ALPK3: variants seen among roughly 807,000 people sequenced by gnomAD.
The protein encoded by ALPK3 is alpha-protein kinase 3.
A neutral mutation model predicts 140.0 loss-of-function variants in ALPK3; 102 were observed. That is an observed-to-expected ratio of 0.73 (90% CI 0.62 to 0.86). ALPK3 has a LOEUF of 0.86. Among genes scored for constraint, ALPK3 ranks in the 40% least tolerant of loss-of-function variants. ALPK3 has a pLI of 0.00. For missense variants in ALPK3, 2,254 were observed against 2,208.2 expected, an observed-to-expected ratio of 1.02 and a Z score of -0.42; for synonymous variants, 938 against 898.5, an observed-to-expected ratio of 1.04 and a Z score of -0.79.
chr15:84,839,516 C>G (rs1245825679), intron 4 of ALPK3, among the ~76,000 whole-genome samples, 186 bp from the exon 5 acceptor site: 1 of 152,154 alleles, frequency 6.6e-6, no homozygotes, highest in Admixed American at 6.5e-5. Flanking sequence ...TTTTTGCCAG[C>G]CTCAGTTCCC....
rs1254086216 is a variant in ALPK3 at position 84,856,893 on chromosome 15, G to A, written c.2155G>A (p.Ala719Thr). Reference protein sequence around the residue: ...GTQSEGSAPTAMEGQSEQEVA... With the variant: ...GTQSEGSAPTTMEGQSEQEVA... Reference sequence around the variant, plus strand: ...GCAGTCAGAGGGGAGCGCGCCCACAGCCATGGAAGGTCAGTCTGAGCAAGA... The same window carrying A: ...GCAGTCAGAGGGGAGCGCGCCCACAACCATGGAAGGTCAGTCTGAGCAAGA... The change falls in exon 6 of 14, where the codon GCC (alanine) becomes ACC (threonine). Residue 719 changes from alanine (A) to threonine (T), a missense_variant. Transcript: ENST00000258888. 1.2e-6 allele frequency: 2 copies of A among 1,613,946 alleles called. No homozygotes were observed. The highest frequency in any genetic ancestry group is 1.7e-6 in the Non-Finnish European group (2 of 1,180,008).
intron 12 of ALPK3, among the ~76,000 whole-genome samples, chr15:84,865,838 G>A (rs1328572658): frequency 6.6e-6 from 1 of 152,158 alleles, no homozygotes; most frequent in Non-Finnish European, 1.5e-5. Context: ...CTATTTGGGA[G>A]GGCAGGGCTT....
In ALPK3 at chr15:84,868,362, A is replaced by C. The variant is rs771364224; in HGVS notation, c.5024A>C (p.Lys1675Thr). ...ACCCGGAAGAGTGCTCCAAGTTCCAAGGCCACCCCTCAGGCCTCAGAGCCA... is the reference window on the plus strand; with the variant it reads ...ACCCGGAAGAGTGCTCCAAGTTCCACGGCCACCCCTCAGGCCTCAGAGCCA... The part of the protein sequence containing the change: ...QGTRKSAPSS[K>T]ATPQASEPVT... The change falls in exon 14 of 14, where the codon AAG (lysine) becomes ACG (threonine). Residue 1675 changes from lysine to threonine, a missense_variant. By Grantham distance (78) the Lys-to-Thr change is moderately conservative. Transcript: ENST00000258888. The C allele has an allele frequency of 1.2e-6, 2 of 1,614,022 alleles. No homozygotes were observed. The highest frequency in any genetic ancestry group is 4.5e-5 in the East Asian group (2 of 44,854).
intron 3 of ALPK3, among the ~76,000 whole-genome samples, chr15:84,831,415 C>T (rs755634151): frequency 2.2e-4 from 33 of 152,096 alleles, no homozygotes; most frequent in African/African-American, 7.0e-4. Flanking sequence ...CCTTTATTCC[C>T]CTTTCATCTA....
At position 84,839,996 on chromosome 15, in the gene ALPK3, C is replaced by A; in HGVS notation, c.717C>A (p.Thr239=). ...GAQAPGPSVP[T]REPEGGTLAA... Reference sequence around the variant, plus strand: ...AAGCGCCGGGCCCCTCGGTCCCTACCAGGGAGCCTGAGGGTGGGACCCTGG... The same window carrying A: ...AAGCGCCGGGCCCCTCGGTCCCTACAAGGGAGCCTGAGGGTGGGACCCTGG... Residue 239 remains threonine (T), a synonymous_variant, in exon 5 of 14, where the codon ACC becomes ACA. Coordinates refer to ENST00000258888, the MANE Select transcript of ALPK3 (RefSeq NM_020778.5). 6.2e-7 allele frequency: 1 copy of A among 1,613,490 alleles called. No homozygotes were observed. Among genetic ancestry groups the A allele is most frequent in the Non-Finnish European group, 8.5e-7 (1 of 1,179,736 alleles).
chr15:84,839,104 G>C lies in ALPK3; in HGVS notation c.422+7G>C, dbSNP rs1244171711. The C allele has an allele frequency of 6.2e-7, 1 of 1,601,376 alleles. No individual in the cohort carries two copies. The highest frequency in any genetic ancestry group is 1.7e-4 in the Middle Eastern group (1 of 5,992). On this transcript the variant is annotated splice_region_variant and intron_variant, in intron 4 of 13. Coordinates refer to ENST00000258888, the MANE Select transcript of ALPK3 (RefSeq NM_020778.5). The stretch of plus-strand genomic sequence containing the variant: ...ACACACTGCAGCTGTACAGGTGAGG[G>C]AGAAGGGCCTGTTTTGCTCTCTCTG...
Position 84,823,369 on chromosome 15 carries a change from G to A in ALPK3, c.182+1G>A, listed in dbSNP as rs1963449829. 1 of 1,613,958 alleles carries A rather than the reference G, an allele frequency of 6.2e-7. No individual in the cohort carries two copies. The highest frequency in any genetic ancestry group is 1.3e-5 in the African/African-American group (1 of 74,894). ...GGTTGTCTCACCCCAGCTCTGGAAG[G>A]TAAATGCATATTGCACTACATTTCT... On this transcript the variant is annotated splice_donor_variant, in intron 2 of 13. Transcript: ENST00000258888. LOFTEE classifies it high-confidence loss of function.
rs772869401 is a variant in ALPK3, at chr15:84,856,952, C to T, written c.2214C>T (p.Thr738=). 4 of 1,614,066 alleles carry T rather than the reference C, an allele frequency of 2.5e-6. No homozygotes were observed. The Admixed American group carries it at 6.7e-5, about 27-fold the overall frequency. ...VATSLGPPSR[T]PKLPPTAGPR... ...CCAGCCTCGGCCCACCATCCAGAAC[C>T]CCCAAACTCCCACCTACAGCGGGTC... Residue 738 remains threonine (T), a synonymous_variant, in exon 6 of 14, where the codon ACC becomes ACT. Transcript: ENST00000258888.
At chr15:84,838,115 T>A (rs1963615759) in intron 3 of ALPK3, among the ~76,000 whole-genome samples, 1 of 151,650 alleles carries the variant, frequency 6.6e-6, no homozygotes, top group South Asian at 2.1e-4. Flanking sequence ...AGTGACAGGG[T>A]GGGTAGGAAG....
At chr15:84,849,079 T>G (rs1232743398) in intron 5 of ALPK3, among the ~76,000 whole-genome samples, 1 of 151,780 alleles carries the variant, frequency 6.6e-6, no homozygotes, top group Non-Finnish European at 1.5e-5. Flanking sequence ...GAGGTGGAGG[T>G]TGCGTTGAGT....
rs1964024754 is a variant in ALPK3, at chr15:84,868,271, G to A, written c.4933G>A (p.Ala1645Thr). The A allele has an allele frequency of 6.2e-7, 1 of 1,614,174 alleles. No homozygotes were observed. The highest frequency in any genetic ancestry group is 8.5e-7 in the Non-Finnish European group (1 of 1,179,994). ...AKAKGSKSPS[A>T]GRKGSQLSPQ... ...AGCCAAAGGCTCTAAGAGTCCATCTGCTGGCAGGAAAGGCTCCCAGCTGAG... is the reference window on the plus strand; with the variant it reads ...AGCCAAAGGCTCTAAGAGTCCATCTACTGGCAGGAAAGGCTCCCAGCTGAG... Residue 1645 changes from alanine (A) to threonine (T), a missense_variant, in exon 14 of 14, where the codon GCT (alanine) becomes ACT (threonine). Coordinates refer to ENST00000258888, the MANE Select transcript of ALPK3 (RefSeq NM_020778.5).
At chr15:84,850,536 A>C (rs376464490) in intron 5 of ALPK3, among the ~76,000 whole-genome samples, 2 of 151,592 alleles carry the variant, frequency 1.3e-5, no homozygotes, top group East Asian at 1.9e-4. Flanking sequence ...GGCATATGCC[A>C]CCACACCTGG....
At chr15:84,845,596 G>A (rs1254233634) in intron 5 of ALPK3, among the ~76,000 whole-genome samples, 2 of 152,140 alleles carry the variant, frequency 1.3e-5, no homozygotes, top group Non-Finnish European at 2.9e-5. Flanking sequence ...ATAAATTTCT[G>A]GGCTCATCCC....
rs747233148 is a variant in ALPK3 at position 84,862,814 on chromosome 15, G to A, written c.4309G>A (p.Glu1437Lys). 1.4e-5 allele frequency: 23 copies of A among 1,614,008 alleles called. No homozygotes were observed. In the African/African-American group the frequency reaches 2.0e-4, roughly 14 times the overall value. ...CATCTACGGGCTGGAACCCATCTTCGAGTCGGGCCGCACGTGCATCATCAA... is the reference window on the plus strand; with the variant it reads ...CATCTACGGGCTGGAACCCATCTTCAAGTCGGGCCGCACGTGCATCATCAA... ...KVIYGLEPIF[E>K]SGRTCIIKVS... Residue 1437 changes from glutamate (E) to lysine (K), a missense_variant, in exon 10 of 14, where the codon GAG becomes AAG. Physicochemically the swap from Glu to Lys is moderately conservative, Grantham distance 56. This residue lies in a region of ALPK3 where 2,088 missense variants were observed against 2,022.9 expected (regional missense o/e 1.03). Coordinates refer to ENST00000258888, the MANE Select transcript of ALPK3 (RefSeq NM_020778.5).
At chr15:84,836,827 T>G (rs1375949947) in intron 3 of ALPK3, among the ~76,000 whole-genome samples, 6 of 151,782 alleles carry the variant, frequency 4.0e-5, no homozygotes, top group Non-Finnish European at 8.8e-5. Context: ...GGGTTGTGAG[T>G]ATGGATAGAG....
In ALPK3 at chr15:84,863,595, T is replaced by A; in HGVS notation, c.4454T>A (p.Phe1485Tyr). 1 of 1,614,062 alleles carries A rather than the reference T, an allele frequency of 6.2e-7. No homozygotes were observed. The highest frequency in any genetic ancestry group is 8.5e-7 in the Non-Finnish European group (1 of 1,179,980). Reference sequence around the variant, plus strand: ...ATGAGTCGGGAGTACTGCAAAATCTTCGCAGCAGAAGCCCGGGCCGCGCCT... The same window carrying A: ...ATGAGTCGGGAGTACTGCAAAATCTACGCAGCAGAAGCCCGGGCCGCGCCT... Reference protein sequence around the residue: ...QNMSREYCKIFAAEARAAPGF... With the variant: ...QNMSREYCKIYAAEARAAPGF... Residue 1485 changes from phenylalanine (F) to tyrosine (Y), a missense_variant, in exon 11 of 14, where the codon TTC (phenylalanine) becomes TAC (tyrosine). Phe to Tyr is a conservative substitution (Grantham distance 22). Around this residue, in one of 3 missense-constraint regions of ALPK3, gnomAD observed 2,088 missense variants for 2,022.9 expected, o/e 1.03. Transcript: ENST00000258888.
rs138554336 is a variant in ALPK3, at chr15:84,831,965, G to A, written c.304+4360G>A. Among the ~76,000 whole-genome samples, 514 of 152,222 alleles carry A rather than the reference G, an allele frequency of 3.4e-3. 5 individuals are homozygous for A. The highest frequency in any genetic ancestry group is 0.011 in the African/African-American group (471 of 41,518). ...ATAAGACATTTATTTTATGATATATGGTTATTACATTTTTCTATTTTTCAT... is the reference window on the plus strand; with the variant it reads ...ATAAGACATTTATTTTATGATATATAGTTATTACATTTTTCTATTTTTCAT... On this transcript the variant is annotated intron_variant, in intron 3 of 13. Coordinates refer to ENST00000258888, the MANE Select transcript of ALPK3 (RefSeq NM_020778.5).
chr15:84,838,095 G>GT (rs1417591960), intron 3 of ALPK3, among the ~76,000 whole-genome samples: 1 of 152,196 alleles, frequency 6.6e-6, no homozygotes. Context: ...ACCTCAGTCG[G>GT]TGTCACTGCA....
chr15:84,817,764 GCCCCTTGTGAC>G (rs1303091184), intron 1 of ALPK3, among the ~76,000 whole-genome samples, 169 bp downstream of exon 1: 2 of 152,208 alleles, frequency 1.3e-5, no homozygotes, highest in African/African-American at 4.8e-5. Flanking sequence ...GGCTTTCATA[GCCCCTTGTGAC>G]CCCTCCTGAT....
Sources: gnomAD v4.1 joint callset for allele counts (sites outside exome capture counted in the v4.1 genomes callset) on GRCh38, gnomAD v4.1.1 for gene constraint, gnomAD v4.1.1 regional missense constraint, MANE v1.5 for transcripts, NCBI Gene and HGNC (gene_info 2026-07-23, HGNC 2026-07-21) for gene names.